The following CNTNAP5 variants were observed in gnomAD, a reference collection of about 807,000 sequenced individuals.
The protein encoded by CNTNAP5 is contactin associated protein family member 5.
Under a neutral mutation model 150.2 loss-of-function variants are expected in CNTNAP5, and 72 were observed. The observed-to-expected ratio is 0.48, with a 90% CI of 0.40 to 0.58. The LOEUF is 0.58. CNTNAP5 is among the 20% of genes least tolerant of loss of function. The pLI, the probability that CNTNAP5 is intolerant of heterozygous loss-of-function variation, is 0.00. For synonymous variants in CNTNAP5, 672 were observed against 619.8 expected (o/e 1.08, Z -1.25); for missense variants, 1,636 against 1,626.2 (o/e 1.01, Z -0.10).
chr2:124,083,789 C>CTT (rs1354665353), intron 1 of CNTNAP5, among the ~76,000 whole-genome samples: 3 of 151,214 alleles, frequency 2.0e-5, no homozygotes, highest in African/African-American at 7.3e-5. Context: ...TCCAGCTTTC[C>CTT]TTCTTTCTTT....
At chr2:124,574,298 TGTGGATTATAC>T (rs1281561352) in intron 11 of CNTNAP5, among the ~76,000 whole-genome samples, 1 of 152,194 alleles carries the variant, frequency 6.6e-6, no homozygotes, top group Non-Finnish European at 1.5e-5. Flanking sequence ...ATGAATACTG[TGTGGATTATAC>T]GTGGATTATA....
chr2:124,285,578 T>C (rs1688130287), intron 3 of CNTNAP5, among the ~76,000 whole-genome samples: 1 of 151,862 alleles, frequency 6.6e-6, no homozygotes, highest in South Asian at 2.1e-4. Flanking sequence ...AGAGGTTGGC[T>C]AGCTTGAGGC....
At chr2:124,344,648 CAG>C (rs1689696041) in intron 3 of CNTNAP5, among the ~76,000 whole-genome samples, 2 of 152,048 alleles carry the variant, frequency 1.3e-5, no homozygotes, top group South Asian at 4.1e-4. Flanking sequence ...TCCAGCTCCT[CAG>C]GAGGCTAAGG....
intron 3 of CNTNAP5, among the ~76,000 whole-genome samples, chr2:124,322,064 C>G (rs890422699): frequency 2.6e-5 from 4 of 151,924 alleles, no homozygotes; most frequent in Non-Finnish European, 5.9e-5. Flanking sequence ...GCAGGAGAAT[C>G]GCTTGAACTT....
At chr2:124,630,210 C>T (rs934900645) in intron 12 of CNTNAP5, among the ~76,000 whole-genome samples, 1 of 152,100 alleles carries the variant, frequency 6.6e-6, no homozygotes, top group Non-Finnish European at 1.5e-5. Context: ...ATGACTCCTC[C>T]CTAACTCATT....
intron 10 of CNTNAP5, among the ~76,000 whole-genome samples, chr2:124,530,620 C>A (rs1695082394): frequency 6.6e-6 from 1 of 152,166 alleles, no homozygotes; most frequent in South Asian, 2.1e-4. Flanking sequence ...CTTGGAAGAA[C>A]TGGCCTTGCG....
chr2:124,267,910 G>T (rs1256363821), intron 3 of CNTNAP5, among the ~76,000 whole-genome samples: 1 of 152,180 alleles, frequency 6.6e-6, no homozygotes, highest in African/African-American at 2.4e-5. Flanking sequence ...TTCCGAGGCT[G>T]ACTCACAATC....
rs149760367 is a variant in CNTNAP5, at chr2:124,577,447, A to G, written c.1756+14124A>G. Among the ~76,000 whole-genome samples the G allele has an allele frequency of 1.8e-3, 278 of 152,298 alleles. 1 individual carries two copies. The highest frequency in any genetic ancestry group is 6.1e-3 in the African/African-American group (255 of 41,568). On this transcript the variant is annotated intron_variant, in intron 11 of 23. Transcript: ENST00000682447. ...TTTTATTCAACACCAATTCTTGTAC[A>G]TCTCTCCTATTTTGGGGTCACCCAT... is the stretch of plus-strand genomic sequence containing the variant.
chr2:124,646,986 A>AT (rs924398480), intron 12 of CNTNAP5, among the ~76,000 whole-genome samples: 2 of 152,074 alleles, frequency 1.3e-5, no homozygotes, highest in African/African-American at 4.8e-5. Flanking sequence ...AAAAATAAAA[A>AT]TTTTTTTAAT....
At position 124,180,318 on chromosome 2, in the gene CNTNAP5, G is replaced by A. The variant is rs1307282278; in HGVS notation, c.83-41387G>A. On this transcript the variant is annotated intron_variant, in intron 1 of 23. Transcript: ENST00000682447. ...TCCTGCTTGTTTTCTGGAAGCGCTT[G>A]GTGGAAATTTGAAATAGATATTTTG... 3.3e-5 allele frequency among the ~76,000 whole-genome samples: 5 copies of A among 151,974 alleles called. No individual in the cohort carries two copies. The East Asian group carries it at 9.7e-4, about 29-fold the overall frequency.
chr2:124,299,976 G>C (rs949248274), intron 3 of CNTNAP5, among the ~76,000 whole-genome samples: 2 of 152,144 alleles, frequency 1.3e-5, no homozygotes, highest in Non-Finnish European at 2.9e-5. Flanking sequence ...CTAGTCTGAT[G>C]GCTCCAATCT....
intron 11 of CNTNAP5, among the ~76,000 whole-genome samples, chr2:124,592,381 G>GTGTT (rs1317267859): frequency 6.6e-5 from 10 of 151,606 alleles, no homozygotes; most frequent in Admixed American, 6.6e-4. Context: ...ATATATGTGT[G>GTGTT]TGTGTGTGTG....
intron 21 of CNTNAP5, among the ~76,000 whole-genome samples, chr2:124,879,013 G>T (rs1677915134): frequency 6.6e-6 from 1 of 151,982 alleles, no homozygotes; most frequent in South Asian, 2.1e-4. Flanking sequence ...CATCTGAAAA[G>T]AGTTAACTAG....
chr2:124,055,531 G>T (rs149115946), intron 1 of CNTNAP5, among the ~76,000 whole-genome samples: 27 of 152,228 alleles, frequency 1.8e-4, no homozygotes, highest in African/African-American at 6.5e-4. Context: ...TCCCCAGAAT[G>T]TTCTCGTCCA....
At chr2:124,354,808 T>C (rs1689957162) in intron 3 of CNTNAP5, among the ~76,000 whole-genome samples, 1 of 152,190 alleles carries the variant, frequency 6.6e-6, no homozygotes, top group South Asian at 2.1e-4. Flanking sequence ...ACTAGATTTT[T>C]TTATTTTTCT....
In CNTNAP5 at chr2:124,772,933, C is replaced by T; in HGVS notation, c.2668C>T (p.Gln890Ter). The T allele has an allele frequency of 6.2e-7, 1 of 1,613,740 alleles. No homozygotes were observed. Residue 890 changes from glutamine to a stop codon, truncating the protein, a stop_gained, in exon 17 of 24, where the codon CAG becomes TAG. Transcript: ENST00000682447. LOFTEE classifies it high-confidence loss of function. ...GAGGAACCTCAAGGAGACCTCCCTG[C>T]AGGTGGACAACCTTCCAAGGAGCAC... is the stretch of plus-strand genomic sequence containing the variant. The part of the protein sequence containing the change: ...AERNLKETSL[Q>*]VDNLPRSTRE...
At chr2:124,409,769 A>T (rs1448349469) in intron 3 of CNTNAP5, among the ~76,000 whole-genome samples, 3 of 151,880 alleles carry the variant, frequency 2.0e-5, no homozygotes, top group Admixed American at 6.6e-5. Flanking sequence ...GCCGCTGCAA[A>T]ATCAAGCCAA....
chr2:124,716,814 A>G (rs13031688), intron 13 of CNTNAP5, among the ~76,000 whole-genome samples: 24,327 of 152,120 alleles, frequency 0.16, 2,240 homozygotes, highest in East Asian at 0.24. Flanking sequence ...GAGAAAATAA[A>G]ATTAGGCTGT....
At chr2:124,130,097 T>C (rs533022458) in intron 1 of CNTNAP5, among the ~76,000 whole-genome samples, 5 of 152,318 alleles carry the variant, frequency 3.3e-5, no homozygotes, top group Non-Finnish European at 7.4e-5. Context: ...TCTCTCTGAT[T>C]TCCTTTTCAC....
Sources: gnomAD v4.1 joint callset for allele counts (sites outside exome capture counted in the v4.1 genomes callset) on GRCh38, gnomAD v4.1.1 for gene constraint, MANE v1.5 for transcripts, NCBI Gene and HGNC (gene_info 2026-07-23, HGNC 2026-07-21) for gene names.